The following GAN variants were observed in gnomAD, a reference collection of about 807,000 sequenced individuals.
GAN encodes the protein gigaxonin, also known as epididymis secretory sperm binding protein.
A neutral mutation model predicts 71.3 loss-of-function variants in GAN; 48 were observed. That is an observed-to-expected ratio of 0.67 (90% CI 0.53 to 0.86). The LOEUF is 0.86. Ranked by LOEUF, GAN falls within the 40% of genes least tolerant of loss-of-function variation. The pLI is 0.00. For synonymous variants in GAN, 386 were observed against 276.8 expected (o/e 1.39, Z -3.92); for missense variants, 928 against 770.1 (o/e 1.21, Z -2.43).
chr16:81,377,921 G>T lies in GAN; in HGVS notation c.*325G>T. 5.5e-6 allele frequency: 2 copies of T among 366,712 alleles called. No individual in the cohort carries two copies. Among genetic ancestry groups the T allele is most frequent in the South Asian group, 2.9e-5 (1 of 34,722 alleles). 22.7% of individuals were successfully genotyped at this position (366,712 alleles called of 1,614,324 possible). On this transcript the variant is annotated 3_prime_UTR_variant, in exon 11 of 11. Transcript: ENST00000648994. ...AATATCAAAGTTAAAATACTAAGGTGCATTTTCCCTGAAGGGAACTCATGT... is the reference window on the plus strand; with the variant it reads ...AATATCAAAGTTAAAATACTAAGGTTCATTTTCCCTGAAGGGAACTCATGT...
At chr16:81,364,918 C>CA in intron 7 of GAN, 56 bp from the exon 8 acceptor site, 2 of 1,565,106 alleles carry the variant, frequency 1.3e-6, no homozygotes, top group Non-Finnish European at 1.8e-6. Flanking sequence ...AATATCTGTT[C>CA]ACCTGACCTG....
intron 1 of GAN, among the ~76,000 whole-genome samples, chr16:81,331,426 A>G (rs1909573385): frequency 2.0e-5 from 3 of 152,262 alleles, no homozygotes; most frequent in Admixed American, 6.5e-5. Context: ...TGGTTTAATT[A>G]GTATTTCTGT....
chr16:81,366,023 C>G (rs370699305), intron 9 of GAN, among the ~76,000 whole-genome samples: 11 of 152,216 alleles, frequency 7.2e-5, no homozygotes, highest in East Asian at 5.8e-4. Flanking sequence ...CAGCTCTGTT[C>G]GTATTGCTGC....
At chr16:81,353,408 T>C (rs1452834391) in intron 2 of GAN, among the ~76,000 whole-genome samples, 1 of 152,222 alleles carries the variant, frequency 6.6e-6, no homozygotes, top group East Asian at 1.9e-4. Context: ...TTGAAGAGTC[T>C]ACAGCTGCCT....
intron 5 of GAN, among the ~76,000 whole-genome samples, chr16:81,358,404 C>T (rs1157784267): frequency 2.0e-5 from 3 of 152,090 alleles, no homozygotes; most frequent in Non-Finnish European, 4.4e-5. Flanking sequence ...CCTAGGAGTT[C>T]AAGACCAGCC....
At chr16:81,319,138 C>T (rs1597387109) in intron 1 of GAN, among the ~76,000 whole-genome samples, 1 of 151,070 alleles carries the variant, frequency 6.6e-6, no homozygotes, top group African/African-American at 2.4e-5. Flanking sequence ...CTATGACTGC[C>T]ACTGCACTGC....
chr16:81,374,867 G>T (rs1000987687), intron 9 of GAN, among the ~76,000 whole-genome samples: 1 of 152,210 alleles, frequency 6.6e-6, no homozygotes, highest in Non-Finnish European at 1.5e-5. Flanking sequence ...GCAATTTAGT[G>T]GGGGAAAGAA....
At chr16:81,374,370 A>G (rs1017482775) in intron 9 of GAN, among the ~76,000 whole-genome samples, 1 of 152,214 alleles carries the variant, frequency 6.6e-6, no homozygotes, top group Non-Finnish European at 1.5e-5. Flanking sequence ...GAGAATTTGC[A>G]AAACGATTTT....
At chr16:81,372,834 A>C (rs988986846) in intron 9 of GAN, among the ~76,000 whole-genome samples, 2 of 152,236 alleles carry the variant, frequency 1.3e-5, no homozygotes, top group African/African-American at 4.8e-5. Context: ...TTATCTTTCA[A>C]AGGTGTGTTC....
rs140912198 is a variant in GAN at position 81,320,510 on chromosome 16, A to G, written c.167+5230A>G. ...TGTGAAGCAAAGTGATTTCACAGTA[A>G]TGTTCAGTTAATAATGTTTTGCTTT... On this transcript the variant is annotated intron_variant, in intron 1 of 10. Transcript: ENST00000648994. 1.8e-3 allele frequency among the ~76,000 whole-genome samples: 267 copies of G among 152,362 alleles called. 1 individual carries two copies. Among genetic ancestry groups the G allele is most frequent in the African/African-American group, 6.1e-3 (253 of 41,584 alleles).
intron 9 of GAN, among the ~76,000 whole-genome samples, chr16:81,368,513 A>G (rs1298760027): frequency 6.6e-6 from 1 of 152,208 alleles, no homozygotes; most frequent in African/African-American, 2.4e-5. Context: ...AGGCTGAGGC[A>G]GAAGGATCAC....
In GAN at chr16:81,354,745, A is replaced by C; in HGVS notation, c.623A>C (p.Glu208Ala). 1 of 1,579,800 alleles carries C rather than the reference A, an allele frequency of 6.3e-7. No individual in the cohort carries two copies. ...ATTCGATGGATAGCACATGATACAG[A>C]AATAAGAAAGGTACCTGTCATTTAT... The part of the protein sequence containing the change: ...AVIRWIAHDT[E>A]IRKVHMKDVM... Residue 208 changes from glutamate to alanine, a missense_variant, in exon 3 of 11, where the codon GAA becomes GCA. Coordinates refer to ENST00000648994, the MANE Select transcript of GAN (RefSeq NM_022041.4).
intron 1 of GAN, among the ~76,000 whole-genome samples, chr16:81,324,041 A>G (rs1262730851): frequency 1.3e-5 from 2 of 152,254 alleles, no homozygotes; most frequent in African/African-American, 4.8e-5. Flanking sequence ...CAGAATCTCA[A>G]GAATGAGCAG....
chr16:81,370,436 C>T (rs933175476), intron 9 of GAN, among the ~76,000 whole-genome samples: 2 of 152,204 alleles, frequency 1.3e-5, no homozygotes, highest in African/African-American at 2.4e-5. Flanking sequence ...TAGTAAGAGA[C>T]AGCTGCTAAA....
intron 1 of GAN, among the ~76,000 whole-genome samples, chr16:81,320,797 A>G (rs188841608): frequency 1.3e-5 from 2 of 152,212 alleles, no homozygotes; most frequent in Non-Finnish European, 1.5e-5. Context: ...CTTTTAAGGG[A>G]TCTAGACTTT....
intron 1 of GAN, among the ~76,000 whole-genome samples, chr16:81,318,749 AT>A (rs1304190749): frequency 3.3e-5 from 5 of 152,224 alleles, no homozygotes; most frequent in African/African-American, 1.2e-4. Context: ...GATTTTAAAT[AT>A]AAAAGGAAAA....
intron 3 of GAN, among the ~76,000 whole-genome samples, chr16:81,355,167 G>C (rs986866093): frequency 1.3e-5 from 2 of 152,204 alleles, no homozygotes; most frequent in African/African-American, 4.8e-5. Flanking sequence ...ATCGATGGCA[G>C]GGGTGGAGGG....
intron 1 of GAN, among the ~76,000 whole-genome samples, chr16:81,319,114 C>A (rs1020000869): frequency 4.3e-4 from 65 of 151,512 alleles, no homozygotes; most frequent in African/African-American, 1.6e-3. Flanking sequence ...CCGGGAGTTC[C>A]AGGATGCAGT....
At position 81,383,860 on chromosome 16, in the gene GAN, C is replaced by G. The variant is rs770329453; in HGVS notation, c.*6264C>G. Reference sequence around the variant, plus strand: ...ACGGCCATTTCAAATCATTCACATCCCAAACGGAGGTTCATCTGTCTTCTG... The same window carrying G: ...ACGGCCATTTCAAATCATTCACATCGCAAACGGAGGTTCATCTGTCTTCTG... On this transcript the variant is annotated 3_prime_UTR_variant, in exon 11 of 11. Transcript: ENST00000648994. 3.3e-5 allele frequency: 5 copies of G among 152,076 alleles called. No individual in the cohort carries two copies. The highest frequency in any genetic ancestry group is 5.9e-5 in the Non-Finnish European group (4 of 68,032). The allele number at this position is 152,076 out of a possible 1,614,324, so 9.4% of individuals were successfully genotyped here.
Sources: allele counts gnomAD v4.1 joint callset (sites outside exome capture counted in the v4.1 genomes callset), GRCh38; gene constraint gnomAD v4.1.1; transcripts MANE v1.5; gene names NCBI Gene and HGNC (gene_info 2026-07-23, HGNC 2026-07-21).